Variants in RAB31 observed in about 807,000 individuals in gnomAD.
RAB31 encodes the protein RAB31, member RAS oncogene family, also known as ras-related protein Rab-31.
RAB31 carries 21 observed loss-of-function variants against 25.6 expected under a neutral mutation model. The ratio of observed to expected loss-of-function variants is 0.82; its 90% confidence interval spans 0.58 to 1.18. RAB31 has a LOEUF of 1.18. Among genes scored for constraint, RAB31 ranks in the 50% most tolerant of loss-of-function variants. RAB31 has a pLI of 0.00. For synonymous variants in RAB31, 87 were observed against 84.0 expected (o/e 1.04, Z -0.20); for missense variants, 196 against 250.1 (o/e 0.78, Z 1.46).
intron 5 of RAB31, among the ~76,000 whole-genome samples, chr18:9,840,000 T>C (rs1291233561): frequency 6.6e-6 from 1 of 152,124 alleles, no homozygotes; most frequent in Non-Finnish European, 1.5e-5. Context: ...CCACCCTCCA[T>C]CCTCACCACT....
chr18:9,838,654 C>T (rs2068716743), intron 5 of RAB31, among the ~76,000 whole-genome samples: 1 of 152,192 alleles, frequency 6.6e-6, no homozygotes, highest in African/African-American at 2.4e-5. Context: ...TTGGGTAGCA[C>T]AGGCCTGTTG....
At chr18:9,810,780 A>G (rs1338476794) in intron 3 of RAB31, among the ~76,000 whole-genome samples, 1 of 152,204 alleles carries the variant, frequency 6.6e-6, no homozygotes, top group South Asian at 2.1e-4. Flanking sequence ...GTCCATGAAT[A>G]TCTTTACTTT....
chr18:9,851,650 T>C (rs1390871491), intron 6 of RAB31, among the ~76,000 whole-genome samples: 1 of 152,196 alleles, frequency 6.6e-6, no homozygotes, highest in Non-Finnish European at 1.5e-5. Context: ...ACATTATTCA[T>C]GACAGCAGAA....
At chr18:9,841,891 A>G (rs931520870) in intron 5 of RAB31, among the ~76,000 whole-genome samples, 21 of 152,210 alleles carry the variant, frequency 1.4e-4, no homozygotes, top group African/African-American at 5.1e-4. Context: ...GTGACTTCTC[A>G]GAAGGTCAGA....
intron 1 of RAB31, among the ~76,000 whole-genome samples, chr18:9,733,282 T>C (rs1490789384): frequency 6.6e-6 from 1 of 152,196 alleles, no homozygotes; most frequent in Non-Finnish European, 1.5e-5. Flanking sequence ...ATCCTTCCTC[T>C]TCCCAAACAG....
At chr18:9,855,882 T>A (rs749278310) in intron 6 of RAB31, among the ~76,000 whole-genome samples, 6 of 152,156 alleles carry the variant, frequency 3.9e-5, no homozygotes, top group Non-Finnish European at 7.4e-5. Flanking sequence ...GCAAAACCCA[T>A]GAGCCGTGCC....
chr18:9,801,859 A>G (rs73940034), intron 3 of RAB31, among the ~76,000 whole-genome samples: 16,385 of 152,244 alleles, frequency 0.11, 959 homozygotes, highest in African/African-American at 0.17. Context: ...ATTTCTGTCC[A>G]TGTTGTAAAG....
At chr18:9,709,610 C>G (rs763387125) in intron 1 of RAB31, among the ~76,000 whole-genome samples, 14 of 152,222 alleles carry the variant, frequency 9.2e-5, no homozygotes, top group Non-Finnish European at 1.6e-4. Flanking sequence ...GCTCCCATCA[C>G]CGGCCTCTTC....
At chr18:9,772,891 AC>A (rs201877851) in intron 1 of RAB31, among the ~76,000 whole-genome samples, 1,927 of 152,256 alleles carry the variant, frequency 0.013, 33 homozygotes, top group African/African-American at 0.044. Flanking sequence ...GGTCTTAAGA[AC>A]AACTGAGATG....
chr18:9,792,314 C>T (rs938236173), intron 3 of RAB31, 79 bp downstream of exon 3: 32 of 1,516,500 alleles, frequency 2.1e-5, no homozygotes, highest in Non-Finnish European at 2.7e-5. Context: ...TTGCATTAGA[C>T]AAGACTCTTG....
chr18:9,753,346 A>C (rs1273856277), intron 1 of RAB31, among the ~76,000 whole-genome samples: 1 of 152,088 alleles, frequency 6.6e-6, no homozygotes, highest in East Asian at 1.9e-4. Flanking sequence ...TTATCACAGG[A>C]GTGGCATTAA....
chr18:9,755,624 C>T (rs2068256891), intron 1 of RAB31, among the ~76,000 whole-genome samples: 1 of 152,240 alleles, frequency 6.6e-6, no homozygotes. Context: ...CAGTTGAGGA[C>T]ACTGTCCAGG....
At chr18:9,730,287 T>A (rs1384860529) in intron 1 of RAB31, among the ~76,000 whole-genome samples, 2 of 123,988 alleles carry the variant, frequency 1.6e-5, no homozygotes. Context: ...CCTCACCTTA[T>A]CTTTTTTTTT....
chr18:9,801,152 C>G (rs2068512105), intron 3 of RAB31, among the ~76,000 whole-genome samples: 1 of 152,150 alleles, frequency 6.6e-6, no homozygotes, highest in Admixed American at 6.5e-5. Flanking sequence ...CTTTTTATGG[C>G]AGAATAATAT....
intron 1 of RAB31, chr18:9,725,982 C>A (rs1487451735): frequency 6.6e-6 from 1 of 152,158 alleles, no homozygotes; most frequent in Non-Finnish European, 1.5e-5. Context: ...TTCATTTAGT[C>A]CTCAAATAAC....
At position 9,724,038 on chromosome 18, in the gene RAB31, G is replaced by A. The variant is rs570508007; in HGVS notation, c.39+15594G>A. Among the ~76,000 whole-genome samples the A allele has an allele frequency of 1.7e-4, 26 of 151,988 alleles. No homozygotes were observed. The South Asian group carries it at 1.9e-3, about 11-fold the overall frequency. ...AAAACATTATTCACTTTGGGAGGCCGAGGCGGGCAGATCACAAGGTCAGGA... is the reference window on the plus strand; with the variant it reads ...AAAACATTATTCACTTTGGGAGGCCAAGGCGGGCAGATCACAAGGTCAGGA... On this transcript the variant is annotated intron_variant, in intron 1 of 6. Coordinates refer to ENST00000578921, the MANE Select transcript of RAB31 (RefSeq NM_006868.4).
intron 3 of RAB31, among the ~76,000 whole-genome samples, chr18:9,802,912 A>G (rs1008258877): frequency 1.3e-5 from 2 of 152,212 alleles, no homozygotes; most frequent in African/African-American, 4.8e-5. Flanking sequence ...ATGGTCAAAA[A>G]AGTGGTTCAC....
chr18:9,771,023 T>C (rs1395421711), intron 1 of RAB31, among the ~76,000 whole-genome samples: 1 of 151,958 alleles, frequency 6.6e-6, no homozygotes, highest in East Asian at 1.9e-4. Flanking sequence ...CATTTAAAAA[T>C]AGCAGGGTGT....
At chr18:9,811,493 G>A (rs2068570497) in intron 3 of RAB31, among the ~76,000 whole-genome samples, 1 of 152,164 alleles carries the variant, frequency 6.6e-6, no homozygotes, top group Admixed American at 6.5e-5. Flanking sequence ...TTTGTCGCTT[G>A]CCAGAAAAGC....
Sources: gnomAD v4.1 joint callset for allele counts (sites outside exome capture counted in the v4.1 genomes callset) on GRCh38, gnomAD v4.1.1 for gene constraint, MANE v1.5 for transcripts, NCBI Gene and HGNC (gene_info 2026-07-23, HGNC 2026-07-21) for gene names.